OSBPL1A: variants seen among roughly 807,000 people sequenced by gnomAD.
The protein encoded by OSBPL1A is oxysterol-binding protein-related protein 1.
A neutral mutation model predicts 137.1 loss-of-function variants in OSBPL1A; 80 were observed. The ratio of observed to expected loss-of-function variants is 0.58; its 90% CI spans 0.49 to 0.70. OSBPL1A has a LOEUF of 0.70. Among genes scored for constraint, OSBPL1A ranks in the 30% least tolerant of loss-of-function variants. The pLI is 0.00. For synonymous variants in OSBPL1A, 365 were observed against 389.7 expected (o/e 0.94, Z 0.75); for missense variants, 970 against 1,129.4 (o/e 0.86, Z 2.02).
chr18:24,379,197 A>G (rs921376987), intron 1 of OSBPL1A, among the ~76,000 whole-genome samples: 3 of 152,206 alleles, frequency 2.0e-5, no homozygotes, highest in African/African-American at 7.2e-5. Context: ...ATCTCCTAGA[A>G]AATAAAATGT....
intron 14 of OSBPL1A, among the ~76,000 whole-genome samples, chr18:24,295,858 C>CT (rs35806995): frequency 0.034 from 4,936 of 145,288 alleles, 124 homozygotes; most frequent in Non-Finnish European, 0.052. Context: ...GTCTAAGAGC[C>CT]TTTTTTTTTT....
chr18:24,372,499 C>T (rs138826094), intron 2 of OSBPL1A, among the ~76,000 whole-genome samples: 7 of 152,298 alleles, frequency 4.6e-5, no homozygotes, highest in African/African-American at 1.7e-4. Flanking sequence ...CCACCAGGCC[C>T]CTCCCACATG....
rs1045668842 is a variant in OSBPL1A, at chr18:24,341,777, T to C, written c.283-119A>G. The C allele has an allele frequency of 8.4e-6, 5 of 594,828 alleles. No homozygotes were observed. In the African/African-American group the frequency reaches 9.4e-5, roughly 11 times the overall value. The allele number at this position is 594,828 out of a possible 1,614,324, so 36.8% of individuals were successfully genotyped here. On this transcript the variant is annotated intron_variant, in intron 4 of 27. Transcript: ENST00000319481. ...AATAGAAAAAAGCACCAGGTGAGAA[T>C]GTATCACGTTATGTCTATAATAAAT...
rs1325544603 is a variant in OSBPL1A, at chr18:24,315,731, T to C, written c.871-1384A>G. Reference sequence around the variant, plus strand: ...AAAATATATAATATATGTAATATATTATATAATAAAATATATAATATAATA... The same window carrying C: ...AAAATATATAATATATGTAATATATCATATAATAAAATATATAATATAATA... On this transcript the variant is annotated intron_variant, in intron 11 of 27. Transcript: ENST00000319481. Among the ~76,000 whole-genome samples, 182 of 120,692 alleles carry C rather than the reference T, an allele frequency of 1.5e-3. 2 individuals carry two copies. Among genetic ancestry groups the C allele is most frequent in the African/African-American group, 5.4e-3 (166 of 30,750 alleles). The allele number at this position is 120,692 out of a possible 152,430, so 79.2% of individuals were successfully genotyped here. A position where few individuals can be genotyped will look rare whatever the true frequency, so the allele number is the denominator to read the frequency against.
chr18:24,360,241 G>C (rs1281675812), intron 4 of OSBPL1A, among the ~76,000 whole-genome samples: 1 of 152,188 alleles, frequency 6.6e-6, no homozygotes, highest in African/African-American at 2.4e-5. Flanking sequence ...ATAGTGCTGG[G>C]ATTACAGGCA....
At chr18:24,321,251 A>C (rs2090849417) in intron 7 of OSBPL1A, among the ~76,000 whole-genome samples, 1 of 152,164 alleles carries the variant, frequency 6.6e-6, no homozygotes. Flanking sequence ...GAGTTGTGCA[A>C]CTATCACATG....
intron 17 of OSBPL1A, among the ~76,000 whole-genome samples, chr18:24,216,258 C>G (rs906076162): frequency 1.3e-5 from 2 of 152,230 alleles, no homozygotes; most frequent in African/African-American, 2.4e-5. Flanking sequence ...GTAATCCCAG[C>G]ACTTTGGGAG....
chr18:24,334,696 C>T (rs2091141688), intron 5 of OSBPL1A, among the ~76,000 whole-genome samples: 1 of 152,102 alleles, frequency 6.6e-6, no homozygotes, highest in African/African-American at 2.4e-5. Context: ...AGAAATAGCA[C>T]TGATAGAAAG....
At position 24,246,565 on chromosome 18, in the gene OSBPL1A, C is replaced by T. The variant is rs760776208; in HGVS notation, c.1282-7183G>A. Among the ~76,000 whole-genome samples, 13 of 151,382 alleles carry T rather than the reference C, an allele frequency of 8.6e-5. 1 individual carries two copies. Among genetic ancestry groups the T allele is most frequent in the African/African-American group, 1.5e-4 (6 of 40,964 alleles). On this transcript the variant is annotated intron_variant, in intron 15 of 27. Coordinates refer to ENST00000319481, the MANE Select transcript of OSBPL1A (RefSeq NM_080597.4). ...CAGCACTTTAGCAGGCAGAGGTGGGCGGATCACCGGAGGCCAGGAGTTCGA... is the reference window on the plus strand; with the variant it reads ...CAGCACTTTAGCAGGCAGAGGTGGGTGGATCACCGGAGGCCAGGAGTTCGA...
At chr18:24,192,045 G>A (rs539065838) in intron 18 of OSBPL1A, among the ~76,000 whole-genome samples, 2 of 152,110 alleles carry the variant, frequency 1.3e-5, no homozygotes, top group Admixed American at 1.3e-4. Flanking sequence ...TTAAGTAGTC[G>A]GTATTCCTGA....
intron 14 of OSBPL1A, among the ~76,000 whole-genome samples, chr18:24,298,009 G>T (rs1046022788): frequency 2.0e-5 from 3 of 152,142 alleles, no homozygotes; most frequent in Admixed American, 2.0e-4. Flanking sequence ...TAGGAGGTCA[G>T]CACAAAATAC....
At chr18:24,258,040 T>C (rs773286619) in intron 15 of OSBPL1A, among the ~76,000 whole-genome samples, 1 of 152,176 alleles carries the variant, frequency 6.6e-6, no homozygotes, top group Non-Finnish European at 1.5e-5. Flanking sequence ...GTGCAACCAC[T>C]ATGAAGAACA....
At chr18:24,189,111 T>C (rs1384940890) in intron 18 of OSBPL1A, among the ~76,000 whole-genome samples, 1 of 152,134 alleles carries the variant, frequency 6.6e-6, no homozygotes. Context: ...CCATGCAAAT[T>C]AATAGCAACC....
At chr18:24,375,541 A>AT (rs1906043241) in intron 2 of OSBPL1A, among the ~76,000 whole-genome samples, 1 of 151,818 alleles carries the variant, frequency 6.6e-6, no homozygotes, top group Non-Finnish European at 1.5e-5. Flanking sequence ...TCCTTGAACC[A>AT]TTTTTTCTTC....
chr18:24,252,712 C>G (rs995431040), intron 15 of OSBPL1A, among the ~76,000 whole-genome samples: 1 of 152,118 alleles, frequency 6.6e-6, no homozygotes, highest in Non-Finnish European at 1.5e-5. Context: ...GTGTAAACTA[C>G]ACCTAGCTAG....
At chr18:24,375,672 C>T (rs1230026011) in intron 2 of OSBPL1A, among the ~76,000 whole-genome samples, 1 of 152,140 alleles carries the variant, frequency 6.6e-6, no homozygotes, top group Non-Finnish European at 1.5e-5. Flanking sequence ...ACTTCCAGAT[C>T]CTGGTACCTA....
chr18:24,195,438 T>G (rs1215548133), intron 18 of OSBPL1A, among the ~76,000 whole-genome samples: 1 of 152,202 alleles, frequency 6.6e-6, no homozygotes, highest in Admixed American at 6.5e-5. Context: ...CAGGGAAAGT[T>G]CTGGAGTGCT....
At chr18:24,182,847 T>C (rs1452011491) in intron 18 of OSBPL1A, among the ~76,000 whole-genome samples, 1 of 151,966 alleles carries the variant, frequency 6.6e-6, no homozygotes, top group African/African-American at 2.4e-5. Flanking sequence ...TTAATTGAAG[T>C]GTCCCAGGCT....
rs571582224 is a variant in OSBPL1A, at chr18:24,285,536, C to G, written c.1175-4588G>C. Reference sequence around the variant, plus strand: ...AAAATATATTTTGCCTGTTTTTCAACATTTAACTGAAATATTTCCATCATT... The same window carrying G: ...AAAATATATTTTGCCTGTTTTTCAAGATTTAACTGAAATATTTCCATCATT... On this transcript the variant is annotated intron_variant, in intron 14 of 27. Coordinates refer to ENST00000319481, the MANE Select transcript of OSBPL1A (RefSeq NM_080597.4). 2.0e-3 allele frequency among the ~76,000 whole-genome samples: 307 copies of G among 152,220 alleles called. 2 individuals are homozygous for G. The highest frequency in any genetic ancestry group is 0.01 in the Middle Eastern group (3 of 294).
Sources: allele counts gnomAD v4.1 joint callset (sites outside exome capture counted in the v4.1 genomes callset), GRCh38; gene constraint gnomAD v4.1.1; transcripts MANE v1.5; gene names NCBI Gene and HGNC (gene_info 2026-07-23, HGNC 2026-07-21).